The following ZNF565 variants were observed in gnomAD, a reference collection of about 807,000 sequenced individuals.
The protein encoded by ZNF565 is zinc finger protein 565.
Under a neutral mutation model 39.4 loss-of-function variants are expected in ZNF565, and 27 were observed. That is an observed-to-expected ratio of 0.69 (90% CI 0.51 to 0.95). The LOEUF is 0.95. ZNF565 is among the 40% of genes least tolerant of loss of function. The pLI is 0.00. For missense variants in ZNF565, 524 were observed against 621.1 expected, an observed-to-expected ratio of 0.84 and a Z score of 1.66; for synonymous variants, 185 against 216.6, an observed-to-expected ratio of 0.85 and a Z score of 1.28.
intron 1 of ZNF565, among the ~76,000 whole-genome samples, chr19:36,206,604 G>A (rs1410266811): frequency 6.6e-6 from 1 of 152,162 alleles, no homozygotes; most frequent in Non-Finnish European, 1.5e-5. Context: ...GGCGAGGCAC[G>A]CGGATCACTT....
At chr19:36,229,469 C>G (rs6510530) in intron 1 of ZNF565, among the ~76,000 whole-genome samples, 1 of 152,076 alleles carries the variant, frequency 6.6e-6, no homozygotes, top group African/African-American at 2.4e-5. Flanking sequence ...CTCAGACTCC[C>G]GAAAAAATCT....
chr19:36,236,419 A>T, intron 1 of ZNF565: 1 of 1,566,816 alleles, frequency 6.4e-7, no homozygotes, highest in Non-Finnish European at 8.6e-7. Flanking sequence ...AACCTTGTGA[A>T]TGTGGGAAAG....
chr19:36,201,860 C>T (rs1599933525), intron 2 of ZNF565, 117 bp downstream of exon 2: 2 of 1,233,264 alleles, frequency 1.6e-6, no homozygotes, highest in Middle Eastern at 3.9e-4. Context: ...TTACTCATCT[C>T]CTGGAATGGA....
intron 1 of ZNF565, among the ~76,000 whole-genome samples, chr19:36,207,212 C>A (rs1373827666): frequency 6.6e-6 from 1 of 152,044 alleles, no homozygotes; most frequent in East Asian, 1.9e-4. Context: ...CAGGAAGGTA[C>A]GAAACTTTTA....
At chr19:36,220,810 ATTCT>A (rs1315293984) in intron 1 of ZNF565, among the ~76,000 whole-genome samples, 1 of 151,958 alleles carries the variant, frequency 6.6e-6, no homozygotes, top group Non-Finnish European at 1.5e-5. Context: ...ATGTTAAAAA[ATTCT>A]TTCTTTAATA....
At position 36,195,142 on chromosome 19, in the gene ZNF565, G is replaced by A; in HGVS notation, c.24C>T (p.Phe8=). The A allele has an allele frequency of 6.2e-7, 1 of 1,613,920 alleles. No homozygotes were observed. Among genetic ancestry groups the A allele is most frequent in the Non-Finnish European group, 8.5e-7 (1 of 1,179,838 alleles). The part of the protein sequence containing the change: MAQGLVT[F]RDVAIEFSLE... ...GAGAGAACTCTATGGCCACGTCCCTGAATGTCACCAGTCCCTGAAACAATA... is the reference window on the plus strand; with the variant it reads ...GAGAGAACTCTATGGCCACGTCCCTAAATGTCACCAGTCCCTGAAACAATA... The change falls in exon 3 of 5, where the codon TTC becomes TTT. Residue 8 remains phenylalanine (F), a synonymous_variant. Coordinates refer to ENST00000304116, the MANE Select transcript of ZNF565 (RefSeq NM_152477.5).
At chr19:36,200,734 G>A (rs946652692) in intron 2 of ZNF565, among the ~76,000 whole-genome samples, 5 of 151,526 alleles carry the variant, frequency 3.3e-5, no homozygotes, top group African/African-American at 7.3e-5. Flanking sequence ...TGATCCACCC[G>A]CCTCAGCCTC....
chr19:36,182,782 T>C lies in ZNF565; in HGVS notation c.1184A>G (p.Asp395Gly). 6.2e-7 allele frequency: 1 copy of C among 1,614,178 alleles called. No individual in the cohort carries two copies. The highest frequency in any genetic ancestry group is 8.5e-7 in the Non-Finnish European group (1 of 1,180,034). ...GCTACGACTAAATGCCTTCCCGCAG[T>C]CCTTACATTCATAGGGTCTGTCGCC... ...HTGDRPYECKDCGKAFSRSSY... is the reference protein window; with the variant it reads ...HTGDRPYECKGCGKAFSRSSY... The change falls in exon 5 of 5, where the codon GAC becomes GGC. Residue 395 changes from aspartate (D) to glycine (G), a missense_variant. Physicochemically the swap from Asp to Gly is moderately conservative, Grantham distance 94 (BLOSUM62 -1). Coordinates refer to ENST00000304116, the MANE Select transcript of ZNF565 (RefSeq NM_152477.5).
Position 36,183,170 on chromosome 19 carries a change from G to C in ZNF565, c.796C>G (p.Leu266Val). The stretch of plus-strand genomic sequence containing the variant: ...GTGTGAGTTCTTTGATGCAGAATCA[G>C]CTGTGAATGCTGCCTAAAGGTCTTC... ...CGKTFRQHSQ[L>V]ILHQRTHTGE... Residue 266 changes from leucine (L) to valine (V), a missense_variant, in exon 5 of 5, where the codon CTG (leucine) becomes GTG (valine). Coordinates refer to ENST00000304116, the MANE Select transcript of ZNF565 (RefSeq NM_152477.5). 6.2e-7 allele frequency: 1 copy of C among 1,614,130 alleles called. No homozygotes were observed. Among genetic ancestry groups the C allele is most frequent in the South Asian group, 1.1e-5 (1 of 91,084 alleles).
At chr19:36,189,987 C>T (rs189812311) in intron 4 of ZNF565, among the ~76,000 whole-genome samples, 1 of 151,814 alleles carries the variant, frequency 6.6e-6, no homozygotes, top group African/African-American at 2.4e-5. Flanking sequence ...GCACCTGCCA[C>T]CACACATGGC....
At chr19:36,229,856 A>G (rs1214670823) in intron 1 of ZNF565, among the ~76,000 whole-genome samples, 1 of 152,162 alleles carries the variant, frequency 6.6e-6, no homozygotes, top group Non-Finnish European at 1.5e-5. Flanking sequence ...AGTAGCTGGG[A>G]TTACAGGCAT....
chr19:36,241,455 G>A (rs1272163630), intron 1 of ZNF565, among the ~76,000 whole-genome samples: 5 of 145,272 alleles, frequency 3.4e-5, no homozygotes, highest in African/African-American at 1.3e-4. Context: ...TTGAACTCCG[G>A]CCTGGGTGAC....
intron 1 of ZNF565, among the ~76,000 whole-genome samples, chr19:36,222,079 T>TC (rs146981965): frequency 0.047 from 7,127 of 151,928 alleles, 245 homozygotes; most frequent in Non-Finnish European, 0.068. Flanking sequence ...ACAGGCACAC[T>TC]CCACCACACC....
intron 1 of ZNF565, among the ~76,000 whole-genome samples, chr19:36,220,658 G>T (rs771899436): frequency 2.6e-5 from 4 of 152,066 alleles, no homozygotes; most frequent in Non-Finnish European, 4.4e-5. Context: ...GAGCCACGGC[G>T]CCCGGCCTCC....
chr19:36,233,231 A>G (rs1208219032), intron 1 of ZNF565, among the ~76,000 whole-genome samples: 1 of 152,098 alleles, frequency 6.6e-6, no homozygotes, highest in African/African-American at 2.4e-5. Flanking sequence ...AAAAATACAA[A>G]AATTAGGCGT....
At chr19:36,211,488 A>ACACACACAC (rs1568423884) in intron 1 of ZNF565, among the ~76,000 whole-genome samples, 77 of 111,838 alleles carry the variant, frequency 6.9e-4, no homozygotes, top group African/African-American at 2.4e-3. Context: ...CACACACACA[A>ACACACACAC]TTCTAATTAA....
At chr19:36,185,611 T>C (rs1041565298) in intron 4 of ZNF565, among the ~76,000 whole-genome samples, 1 of 151,936 alleles carries the variant, frequency 6.6e-6, no homozygotes, top group African/African-American at 2.4e-5. Flanking sequence ...CTAGGCCTTT[T>C]CCATCTCAGA....
At chr19:36,239,097 T>C (rs879593751) in intron 1 of ZNF565, among the ~76,000 whole-genome samples, 5 of 152,134 alleles carry the variant, frequency 3.3e-5, no homozygotes, top group Admixed American at 3.3e-4. Context: ...ATGAAACAGG[T>C]CCCTGGTACC....
At chr19:36,234,735 C>T (rs1001589349) in intron 1 of ZNF565, among the ~76,000 whole-genome samples, 11 of 152,292 alleles carry the variant, frequency 7.2e-5, no homozygotes, top group African/African-American at 2.4e-4. Flanking sequence ...AATGGTGCTG[C>T]AGGTCTTACC....
Sources: gnomAD v4.1 joint callset for allele counts (sites outside exome capture counted in the v4.1 genomes callset) on GRCh38, gnomAD v4.1.1 for gene constraint, MANE v1.5 for transcripts, NCBI Gene and HGNC (gene_info 2026-07-23, HGNC 2026-07-21) for gene names.